TIA1: variants seen among roughly 807,000 people sequenced by gnomAD.
TIA1 encodes TIA1 cytotoxic granule associated RNA binding protein.
TIA1 carries 23 observed loss-of-function variants against 65.9 expected under a neutral mutation model. The ratio of observed to expected loss-of-function variants is 0.35; its 90% CI spans 0.25 to 0.49. The LOEUF is 0.49. TIA1 is among the 20% of genes least tolerant of loss of function. The probability of loss-of-function intolerance (pLI) is 0.98; values close to 1 mark genes in which losing one functional copy is unlikely to be tolerated. For synonymous variants in TIA1, 147 were observed against 149.4 expected, an observed-to-expected ratio of 0.98 and a Z score of 0.12; for missense variants, 371 against 477.9, an observed-to-expected ratio of 0.78 and a Z score of 2.09.
intron 2 of TIA1, among the ~76,000 whole-genome samples, chr2:70,232,994 A>G (rs1313557171): frequency 6.6e-6 from 1 of 152,246 alleles, no homozygotes; most frequent in African/African-American, 2.4e-5. Flanking sequence ...TTACACCTAC[A>G]GTGCAAAATA....
At chr2:70,215,122 T>C (rs1678023832) in intron 11 of TIA1, 1 of 444,196 alleles carries the variant, frequency 2.3e-6, no homozygotes, top group Non-Finnish European at 4.0e-6. Context: ...AAAGATGTAA[T>C]ACCCTTTTAG....
intron 1 of TIA1, among the ~76,000 whole-genome samples, chr2:70,238,579 T>C (rs987976752): frequency 2.6e-5 from 4 of 152,142 alleles, no homozygotes; most frequent in African/African-American, 7.2e-5. Flanking sequence ...TGAAAAGTTA[T>C]AGGTAAATTA....
At chr2:70,223,228 A>G (rs1297815954) in intron 7 of TIA1, among the ~76,000 whole-genome samples, 1 of 152,208 alleles carries the variant, frequency 6.6e-6, no homozygotes, top group Non-Finnish European at 1.5e-5. Context: ...AATCACGGCT[A>G]TCAATCCATT....
At chr2:70,236,396 T>A (rs575921835) in intron 1 of TIA1, among the ~76,000 whole-genome samples, 57 of 152,026 alleles carry the variant, frequency 3.7e-4, no homozygotes, top group Middle Eastern at 3.4e-3. Flanking sequence ...ACGGGGTTTC[T>A]CCATGTTGGT....
chr2:70,247,890 T>C (rs1196395580), intron 1 of TIA1, among the ~76,000 whole-genome samples: 1 of 149,198 alleles, frequency 6.7e-6, no homozygotes, highest in Non-Finnish European at 1.5e-5. Flanking sequence ...AAGAATAAAG[T>C]TTACTGCACT....
intron 1 of TIA1, among the ~76,000 whole-genome samples, chr2:70,242,948 C>G (rs1692569583): frequency 6.6e-6 from 1 of 152,142 alleles, no homozygotes; most frequent in Non-Finnish European, 1.5e-5. Flanking sequence ...GACTGCTAGT[C>G]TAGAACACTG....
intron 1 of TIA1, among the ~76,000 whole-genome samples, chr2:70,239,927 T>A (rs1448081482): frequency 1.3e-5 from 2 of 152,206 alleles, no homozygotes; most frequent in Non-Finnish European, 1.5e-5. Flanking sequence ...TTTAGAAAAG[T>A]TCTCCTTTAC....
intron 3 of TIA1, among the ~76,000 whole-genome samples, 163 bp downstream of exon 3, chr2:70,230,593 A>G (rs1461022100): frequency 2.6e-5 from 4 of 151,164 alleles, no homozygotes; most frequent in Admixed American, 6.6e-5. Context: ...CAGAGGTTGC[A>G]GTGAGCCAAG....
Position 70,245,914 on chromosome 2 carries a change from ATTTTTTTTTTT to A in TIA1, c.26+2480_26+2490del, listed in dbSNP as rs199977940. Among the ~76,000 whole-genome samples, 118 of 124,766 alleles carry A rather than the reference ATTTTTTTTTTT, an allele frequency of 9.5e-4. 1 individual carries two copies. Among genetic ancestry groups the A allele is most frequent in the South Asian group, 4.1e-3 (17 of 4,122 alleles). 81.9% of individuals were successfully genotyped at this position (124,766 alleles called of 152,430 possible). A position where few individuals can be genotyped will look rare whatever the true frequency, so the allele number is the denominator to read the frequency against. On this transcript the variant is annotated intron_variant, in intron 1 of 12. Coordinates refer to ENST00000433529, the MANE Select transcript of TIA1 (RefSeq NM_022173.4). ...AATTCACTGCTTGAAATTCTACCAGATTTTTTTTTTTTTTTTTTTTTTTTTTGAGATGGAGC... is the reference window on the plus strand; with the variant it reads ...AATTCACTGCTTGAAATTCTACCAGATTTTTTTTTTTTTTTGAGATGGAGC...
At chr2:70,235,971 T>C in intron 2 of TIA1, 108 bp downstream of exon 2, 3 of 580,196 alleles carry the variant, frequency 5.2e-6, no homozygotes, top group Non-Finnish European at 5.9e-6. Context: ...AAACTAATAA[T>C]TTATACTATA....
chr2:70,236,061 T>G lies in TIA1; in HGVS notation c.123+18A>C. ...TAAAAAAAAAAAGAATAAAGTTAAC[T>G]AAGTAAAATACCCTTACATCCATAA... is the stretch of plus-strand genomic sequence containing the variant. On this transcript the variant is annotated intron_variant, in intron 2 of 12. Coordinates refer to ENST00000433529, the MANE Select transcript of TIA1 (RefSeq NM_022173.4). 1 of 1,453,048 alleles carries G rather than the reference T, an allele frequency of 6.9e-7. No individual in the cohort carries two copies. Among genetic ancestry groups the G allele is most frequent in the East Asian group, 2.3e-5 (1 of 43,898 alleles). The allele number at this position is 1,453,048 out of a possible 1,614,324, so 90.0% of individuals were successfully genotyped here. A position where few individuals can be genotyped will look rare whatever the true frequency, so the allele number is the denominator to read the frequency against.
chr2:70,231,231 G>C (rs1380600606), intron 2 of TIA1, among the ~76,000 whole-genome samples: 2 of 152,154 alleles, frequency 1.3e-5, no homozygotes, highest in Non-Finnish European at 1.5e-5. Flanking sequence ...GAACCCGGGA[G>C]GTGGAGGTTG....
At chr2:70,214,285 T>C in intron 12 of TIA1, 64 bp downstream of exon 12, 1 of 1,531,604 alleles carries the variant, frequency 6.5e-7, no homozygotes, top group Non-Finnish European at 8.8e-7. Context: ...TAAAATTTCT[T>C]CCTACTTAAA....
At chr2:70,213,470 G>A (rs890795955) in intron 12 of TIA1, among the ~76,000 whole-genome samples, 17 of 148,834 alleles carry the variant, frequency 1.1e-4, no homozygotes, top group African/African-American at 2.5e-4. Flanking sequence ...TCAGTCTCCC[G>A]AACATCTGGG....
rs1228977514 is a variant in TIA1 at position 70,209,511 on chromosome 2, A to G, written c.*3208T>C. 2 of 397,990 alleles carry G rather than the reference A, an allele frequency of 5.0e-6. No individual in the cohort carries two copies. Among genetic ancestry groups the G allele is most frequent in the Admixed American group, 8.8e-5 (2 of 22,704 alleles). 24.7% of individuals were successfully genotyped at this position (397,990 alleles called of 1,614,324 possible). A position where few individuals can be genotyped will look rare whatever the true frequency, so the allele number is the denominator to read the frequency against. Reference sequence around the variant, plus strand: ...TTGAAACTCATCATTTTGGATGTACATTCAAATTCTAAACACAACAGTCAA... The same window carrying G: ...TTGAAACTCATCATTTTGGATGTACGTTCAAATTCTAAACACAACAGTCAA... On this transcript the variant is annotated 3_prime_UTR_variant, in exon 13 of 13. Transcript: ENST00000433529.
At chr2:70,213,630 T>G (rs908643288) in intron 12 of TIA1, among the ~76,000 whole-genome samples, 25 of 150,794 alleles carry the variant, frequency 1.7e-4, no homozygotes, top group Admixed American at 1.7e-3. Flanking sequence ...ATTATAGGCA[T>G]GAGCCACCAT....
At chr2:70,242,293 G>T (rs1377298865) in intron 1 of TIA1, among the ~76,000 whole-genome samples, 1 of 151,948 alleles carries the variant, frequency 6.6e-6, no homozygotes, top group Non-Finnish European at 1.5e-5. Context: ...AGCACTTTGG[G>T]AGGCTGAGGT....
At position 70,214,492 on chromosome 2, in the gene TIA1, C is replaced by G; in HGVS notation, c.891G>C (p.Gln297His). The G allele has an allele frequency of 2.5e-6, 4 of 1,607,578 alleles. No individual in the cohort carries two copies. The South Asian group carries it at 4.5e-5, about 18-fold the overall frequency. Residue 297 changes from glutamine to histidine, a missense_variant and splice_region_variant, in exon 12 of 13, where the codon CAG (glutamine) becomes CAC (histidine). Gln to His is a conservative substitution (Grantham distance 24). Coordinates refer to ENST00000433529, the MANE Select transcript of TIA1 (RefSeq NM_022173.4). Reference sequence around the variant, plus strand: ...AAGGTTGGGGATATCCAATTTGATTCTGCTATTAAATAAAATTTAGTATTA... The same window carrying G: ...AAGGTTGGGGATATCCAATTTGATTGTGCTATTAAATAAAATTTAGTATTA... ...TLDMINPVQQQNQIGYPQPYG... is the reference protein window; with the variant it reads ...TLDMINPVQQHNQIGYPQPYG...
At chr2:70,218,358 G>C (rs1015498981) in intron 7 of TIA1, among the ~76,000 whole-genome samples, 2 of 152,184 alleles carry the variant, frequency 1.3e-5, no homozygotes, top group African/African-American at 4.8e-5. Flanking sequence ...GTGGAATCCA[G>C]CGAGCAAAAA....
Sources: gnomAD v4.1 joint callset for allele counts (sites outside exome capture counted in the v4.1 genomes callset) on GRCh38, gnomAD v4.1.1 for gene constraint, MANE v1.5 for transcripts, NCBI Gene and HGNC (gene_info 2026-07-23, HGNC 2026-07-21) for gene names.